The following COL28A1 variants were observed in gnomAD, a reference collection of about 807,000 sequenced individuals.
COL28A1 encodes the protein collagen alpha-1(XXVIII) chain.
COL28A1 carries 161 observed loss-of-function variants against 150.2 expected under a neutral mutation model. That is an observed-to-expected ratio of 1.07 (90% CI 0.94 to 1.22). The LOEUF (loss-of-function observed/expected upper bound fraction) is 1.22. COL28A1 is among the 50% of genes most tolerant of loss of function. The probability of loss-of-function intolerance (pLI) is 0.00; values close to 1 mark genes in which losing one functional copy is unlikely to be tolerated. For missense variants in COL28A1, 1,617 were observed against 1,388.3 expected (o/e 1.16, Z -2.62); for synonymous variants, 552 against 469.7 (o/e 1.18, Z -2.26).
chr7:7,382,778 C>T (rs902524978), intron 27 of COL28A1, among the ~76,000 whole-genome samples: 1 of 152,048 alleles, frequency 6.6e-6, no homozygotes, highest in Non-Finnish European at 1.5e-5. Flanking sequence ...CCAGGCCCAA[C>T]CTCAAACCAA....
chr7:7,471,825 GT>G (rs1788456056), intron 15 of COL28A1, among the ~76,000 whole-genome samples: 1 of 152,170 alleles, frequency 6.6e-6, no homozygotes. Flanking sequence ...AACCTGGGAG[GT>G]GGAGGTTGCA....
At chr7:7,342,803 T>C in the COL28A1 span, among the ~76,000 whole-genome samples, 5 of 152,080 alleles carry the variant, frequency 3.3e-5, no homozygotes, top group Non-Finnish European at 7.4e-5. Flanking sequence ...TTGGGCAATG[T>C]TCATTTATTT....
upstream of COL28A1, among the ~76,000 whole-genome samples, chr7:7,539,239 G>GAC: frequency 6.6e-6 from 1 of 152,316 alleles, no homozygotes; most frequent in South Asian, 2.1e-4. Flanking sequence ...CAAGAAGCAT[G>GAC]ACACCAGCAT....
intron 27 of COL28A1, among the ~76,000 whole-genome samples, chr7:7,386,227 T>C (rs79077624): frequency 1.3e-5 from 2 of 152,336 alleles, no homozygotes; most frequent in East Asian, 3.9e-4. Flanking sequence ...ATTTGTGCAT[T>C]ACTGATACGT....
intron 27 of COL28A1, among the ~76,000 whole-genome samples, chr7:7,416,738 C>T (rs1017899992): frequency 2.6e-5 from 4 of 152,330 alleles, no homozygotes; most frequent in South Asian, 4.1e-4. Flanking sequence ...AAGCTCTAGA[C>T]ATTGTGTGAT....
chr7:7,446,858 A>C (rs111326824), intron 18 of COL28A1, among the ~76,000 whole-genome samples: 117 of 152,342 alleles, frequency 7.7e-4, no homozygotes, highest in African/African-American at 2.7e-3. Flanking sequence ...TTCACAGAGT[A>C]GATTACCAGA....
chr7:7,352,320 G>A (rs532807627), downstream of COL28A1, among the ~76,000 whole-genome samples: 28 of 152,318 alleles, frequency 1.8e-4, no homozygotes, highest in Non-Finnish European at 4.4e-5. Context: ...AGAGGACACA[G>A]CTGTTGTGGC....
intron 33 of COL28A1, 25 bp downstream of exon 33, chr7:7,370,700 C>A (rs775295047): frequency 8.8e-6 from 14 of 1,584,070 alleles, no homozygotes; most frequent in Middle Eastern, 1.7e-4. Flanking sequence ...TTTAAGCTCA[C>A]AAAGTAAGTG....
At chr7:7,438,517 C>T (rs6946354) in intron 21 of COL28A1, among the ~76,000 whole-genome samples, 29,846 of 152,082 alleles carry the variant, frequency 0.2, 3,313 homozygotes, top group African/African-American at 0.3. Context: ...CCCAGGATTA[C>T]GAAATTTTAT....
chr7:7,538,475 C>A (rs1782720807), upstream of COL28A1, among the ~76,000 whole-genome samples: 1 of 152,156 alleles, frequency 6.6e-6, no homozygotes, highest in Non-Finnish European at 1.5e-5. Context: ...TAGTGTTTAT[C>A]AGTCACTTGA....
chr7:7,380,078 T>G (rs1207373769), intron 30 of COL28A1, among the ~76,000 whole-genome samples: 1 of 152,010 alleles, frequency 6.6e-6, no homozygotes, highest in Non-Finnish European at 1.5e-5. Flanking sequence ...GAAGACAGAT[T>G]GCCTTCAAAG....
At chr7:7,391,935 T>C (rs1409828037) in intron 27 of COL28A1, among the ~76,000 whole-genome samples, 2 of 152,186 alleles carry the variant, frequency 1.3e-5, no homozygotes, top group African/African-American at 4.8e-5. Flanking sequence ...TGACTTGTTA[T>C]TTAATTTGCC....
At chr7:7,398,931 G>A (rs1292682290) in intron 27 of COL28A1, among the ~76,000 whole-genome samples, 2 of 152,110 alleles carry the variant, frequency 1.3e-5, no homozygotes, top group Non-Finnish European at 2.9e-5. Context: ...GTATCCTCGA[G>A]GTAGGTTTCT....
chr7:7,500,529 C>T (rs749717604), intron 11 of COL28A1, among the ~76,000 whole-genome samples: 2 of 152,168 alleles, frequency 1.3e-5, no homozygotes, highest in South Asian at 2.1e-4. Context: ...GAATGATTAA[C>T]GGTATAATAC....
rs187714859 is a variant in COL28A1 at position 7,372,468 on chromosome 7, G to A, written c.2908+530C>T. Among the ~76,000 whole-genome samples the A allele has an allele frequency of 5.3e-4, 80 of 151,794 alleles. 1 individual carries two copies. Among genetic ancestry groups the A allele is most frequent in the African/African-American group, 1.9e-3 (77 of 41,368 alleles). ...GGTTGTTCTTTTGAGATAAATTCCC[G>A]ATATCAACCTGTTTATTCATCATTA... On this transcript the variant is annotated intron_variant, in intron 32 of 34. Transcript: ENST00000399429.
intron 2 of COL28A1, 118 bp downstream of exon 2, chr7:7,532,634 G>A: frequency 7.8e-7 from 1 of 1,281,018 alleles, no homozygotes; most frequent in Non-Finnish European, 1.0e-6. Context: ...TATCAAAGTA[G>A]ACTATCACAT....
intron 14 of COL28A1, 149 bp from the exon 15 acceptor site, chr7:7,474,818 TTGACTC>T (rs1237034174): frequency 2.4e-5 from 14 of 592,084 alleles, no homozygotes; most frequent in Non-Finnish European, 3.3e-5. Flanking sequence ...GTAATTCTAA[TTGACTC>T]TGAGATTTGC....
intron 27 of COL28A1, among the ~76,000 whole-genome samples, chr7:7,384,448 G>T (rs1157195082): frequency 6.6e-6 from 1 of 152,156 alleles, no homozygotes; most frequent in African/African-American, 2.4e-5. Context: ...GTCAACTGTG[G>T]TTGGAAAATA....
At chr7:7,407,983 TCC>T (rs1365234576) in intron 27 of COL28A1, among the ~76,000 whole-genome samples, 4 of 152,106 alleles carry the variant, frequency 2.6e-5, no homozygotes, top group Non-Finnish European at 5.9e-5. Flanking sequence ...AAACACAGGG[TCC>T]TAACGAAGTC....
Sources: gnomAD v4.1 joint callset for allele counts (sites outside exome capture counted in the v4.1 genomes callset) on GRCh38, gnomAD v4.1.1 for gene constraint, MANE v1.5 for transcripts, NCBI Gene and HGNC (gene_info 2026-07-23, HGNC 2026-07-21) for gene names.